Variants in CPA6 observed in about 807,000 individuals in gnomAD.
The protein encoded by CPA6 is carboxypeptidase B.
In CPA6, 58 loss-of-function variants were observed where a neutral mutation model predicts 63.3. The observed-to-expected ratio is 0.92, with a 90% CI of 0.74 to 1.14. The LOEUF (loss-of-function observed/expected upper bound fraction) is 1.14. CPA6 is among the 50% of genes most tolerant of loss of function. CPA6 has a pLI of 0.00. For synonymous variants in CPA6, 185 were observed against 179.0 expected, an observed-to-expected ratio of 1.03 and a Z score of -0.27; for missense variants, 565 against 526.6, an observed-to-expected ratio of 1.07 and a Z score of -0.71.
intron 8 of CPA6, among the ~76,000 whole-genome samples, chr8:67,446,833 G>A (rs1473886176): frequency 1.3e-5 from 2 of 152,100 alleles, no homozygotes; most frequent in African/African-American, 4.8e-5. Flanking sequence ...AATTATCCTG[G>A]AATGACCCAT....
At chr8:67,708,463 C>T (rs936169756) in intron 1 of CPA6, among the ~76,000 whole-genome samples, 19 of 152,168 alleles carry the variant, frequency 1.2e-4, no homozygotes, top group Admixed American at 1.2e-3. Flanking sequence ...TTCCTTTGAA[C>T]TAACTAGTGA....
chr8:67,643,398 C>A (rs980864523), intron 1 of CPA6, among the ~76,000 whole-genome samples: 9 of 152,140 alleles, frequency 5.9e-5, no homozygotes, highest in Admixed American at 3.3e-4. Flanking sequence ...ATAGATGAAC[C>A]ACAGATATCA....
chr8:67,538,021 C>T (rs1053576400), intron 2 of CPA6, among the ~76,000 whole-genome samples: 2 of 152,156 alleles, frequency 1.3e-5, no homozygotes, highest in Admixed American at 1.3e-4. Context: ...ATCCTGAGTT[C>T]TAATTTGATT....
rs1449082547 is a variant in CPA6 at position 67,654,608 on chromosome 8, A to G, written c.117-30357T>C. Among the ~76,000 whole-genome samples the G allele has an allele frequency of 2.0e-5, 3 of 151,892 alleles. No homozygotes were observed. The East Asian group carries it at 5.8e-4, about 29-fold the overall frequency. On this transcript the variant is annotated intron_variant, in intron 1 of 10. Coordinates refer to ENST00000297770, the MANE Select transcript of CPA6 (RefSeq NM_020361.5). ...GGTGATATCCCCTTTATCATTTTTT[A>G]TTGTGTCTGTTTGATTCTTCTCTCT...
intron 2 of CPA6, among the ~76,000 whole-genome samples, chr8:67,600,434 T>C (rs1814465326): frequency 6.6e-6 from 1 of 152,150 alleles, no homozygotes; most frequent in Non-Finnish European, 1.5e-5. Flanking sequence ...GTTCAAAAGA[T>C]CTATTGTACA....
intron 8 of CPA6, among the ~76,000 whole-genome samples, chr8:67,471,200 G>A (rs911931746): frequency 1.3e-5 from 2 of 151,994 alleles, no homozygotes; most frequent in Non-Finnish European, 2.9e-5. Context: ...TGTTCCTTCT[G>A]TGTGCACTGT....
chr8:67,589,070 ATTGCACCACTGCACTCCGGCATGGG>A (rs1413982488), intron 2 of CPA6, among the ~76,000 whole-genome samples: 2 of 151,936 alleles, frequency 1.3e-5, no homozygotes, highest in African/African-American at 4.8e-5. Context: ...GTGAGCCAAG[ATTGCACCACTGCACTCCGGCATGGG>A]TGACAGAGCA....
chr8:67,518,552 G>A (rs1311019408), intron 2 of CPA6, among the ~76,000 whole-genome samples: 1 of 147,626 alleles, frequency 6.8e-6, no homozygotes, highest in Non-Finnish European at 1.5e-5. Context: ...TGTCACACAG[G>A]TTGGAGGGCA....
At chr8:67,727,323 C>T (rs940891998) in intron 1 of CPA6, among the ~76,000 whole-genome samples, 1 of 151,896 alleles carries the variant, frequency 6.6e-6, no homozygotes, top group Non-Finnish European at 1.5e-5. Flanking sequence ...CACAGAATAC[C>T]CCAAAGTATG....
chr8:67,546,091 C>T (rs1411699350), intron 2 of CPA6, among the ~76,000 whole-genome samples: 1 of 152,132 alleles, frequency 6.6e-6, no homozygotes, highest in African/African-American at 2.4e-5. Context: ...CTATATCCCT[C>T]CCACCCCAAA....
intron 2 of CPA6, among the ~76,000 whole-genome samples, chr8:67,552,590 A>G (rs574615312): frequency 3.0e-4 from 46 of 151,824 alleles, no homozygotes; most frequent in South Asian, 1.7e-3. Flanking sequence ...TGGCTAACAC[A>G]GTGAAACCCC....
intron 1 of CPA6, among the ~76,000 whole-genome samples, chr8:67,674,207 G>C (rs888574658): frequency 2.6e-5 from 4 of 152,192 alleles, no homozygotes; most frequent in African/African-American, 9.7e-5. Flanking sequence ...ACTGAAGTCT[G>C]ATTTCAGGGC....
chr8:67,609,771 C>G (rs1265106939), intron 2 of CPA6, among the ~76,000 whole-genome samples: 1 of 152,168 alleles, frequency 6.6e-6, no homozygotes, highest in African/African-American at 2.4e-5. Flanking sequence ...CCTGTAATCC[C>G]AGCACTTTGG....
At chr8:67,745,951 G>T in intron 1 of CPA6, 63 bp downstream of exon 1, 2 of 1,251,416 alleles carry the variant, frequency 1.6e-6, no homozygotes, top group Non-Finnish European at 2.3e-6. Context: ...GGCACACTCT[G>T]GAGCAAACCA....
intron 1 of CPA6, among the ~76,000 whole-genome samples, chr8:67,698,016 T>C (rs1287112655): frequency 6.6e-6 from 1 of 152,200 alleles, no homozygotes; most frequent in Non-Finnish European, 1.5e-5. Context: ...AGGTGTTTAT[T>C]CTGTTAGGTC....
At chr8:67,433,603 A>G (rs1043330373) in intron 9 of CPA6, among the ~76,000 whole-genome samples, 2 of 152,252 alleles carry the variant, frequency 1.3e-5, no homozygotes, top group African/African-American at 2.4e-5. Flanking sequence ...CATTTACTCA[A>G]TAAAATTAAT....
intron 2 of CPA6, among the ~76,000 whole-genome samples, chr8:67,535,287 C>G (rs1812561424): frequency 6.6e-6 from 1 of 152,206 alleles, no homozygotes; most frequent in Non-Finnish European, 1.5e-5. Flanking sequence ...ACCACACTGT[C>G]TTTCACAATG....
chr8:67,488,124 G>T (rs895303231), intron 6 of CPA6, among the ~76,000 whole-genome samples: 3 of 152,132 alleles, frequency 2.0e-5, no homozygotes, highest in African/African-American at 4.8e-5. Context: ...TGAAGTCCTT[G>T]CCCATGCCTA....
chr8:67,575,260 A>G (rs116732057), intron 2 of CPA6, among the ~76,000 whole-genome samples: 1,773 of 152,320 alleles, frequency 0.012, 28 homozygotes, highest in African/African-American at 0.04. Flanking sequence ...GGTGTGGAGA[A>G]AAGGGAATTC....
Sources: gnomAD v4.1 joint callset for allele counts (sites outside exome capture counted in the v4.1 genomes callset) on GRCh38, gnomAD v4.1.1 for gene constraint, MANE v1.5 for transcripts, NCBI Gene and HGNC (gene_info 2026-07-23, HGNC 2026-07-21) for gene names.